The following CACNA2D3 variants were observed in gnomAD, a reference collection of about 807,000 sequenced individuals.
CACNA2D3 encodes the protein calcium voltage-gated channel auxiliary subunit alpha2delta 3.
A neutral mutation model predicts 160.6 loss-of-function variants in CACNA2D3; 60 were observed. The observed-to-expected ratio is 0.37, with a 90% CI of 0.30 to 0.46. The LOEUF is 0.46. CACNA2D3 is among the 20% of genes least tolerant of loss of function. The probability of loss-of-function intolerance (pLI) is 1.00; values close to 1 mark genes in which losing one functional copy is unlikely to be tolerated. For missense variants in CACNA2D3, 1,205 were observed against 1,365.0 expected (o/e 0.88, Z 1.85); for synonymous variants, 558 against 492.9 (o/e 1.13, Z -1.75).
intron 4 of CACNA2D3, among the ~76,000 whole-genome samples, chr3:54,500,818 G>A (rs1701283130): frequency 6.6e-6 from 1 of 152,050 alleles, no homozygotes; most frequent in Non-Finnish European, 1.5e-5. Context: ...CTGTAGTGCA[G>A]GTATCTTATA....
chr3:54,242,150 G>T (rs1188275224), intron 2 of CACNA2D3, among the ~76,000 whole-genome samples: 4 of 152,218 alleles, frequency 2.6e-5, no homozygotes, highest in Admixed American at 6.5e-5. Context: ...GCTGGGCACA[G>T]TGGCTCACAC....
intron 31 of CACNA2D3, among the ~76,000 whole-genome samples, chr3:54,994,371 T>C (rs1488972444): frequency 2.0e-5 from 3 of 152,120 alleles, no homozygotes; most frequent in Non-Finnish European, 4.4e-5. Context: ...ATGTAATGAG[T>C]GTAATGGCTT....
chr3:54,235,532 G>A (rs1271401242), intron 2 of CACNA2D3, among the ~76,000 whole-genome samples: 4 of 152,124 alleles, frequency 2.6e-5, no homozygotes, highest in African/African-American at 9.7e-5. Flanking sequence ...ACAGCACCAA[G>A]GGGATGGTAC....
chr3:54,648,326 A>C (rs926905485), intron 11 of CACNA2D3, among the ~76,000 whole-genome samples: 1 of 152,280 alleles, frequency 6.6e-6, no homozygotes, highest in Non-Finnish European at 1.5e-5. Flanking sequence ...TTATTTTGAC[A>C]TAGCCACACC....
chr3:54,394,317 C>CTTTTTTT (rs1699334931), intron 4 of CACNA2D3, among the ~76,000 whole-genome samples: 1 of 102,488 alleles, frequency 9.8e-6, no homozygotes, highest in African/African-American at 4.1e-5. Context: ...GGAGAGTGAA[C>CTTTTTTT]ATTTTTTTTT....
intron 5 of CACNA2D3, among the ~76,000 whole-genome samples, chr3:54,541,347 T>C (rs528040454): frequency 2.7e-4 from 38 of 139,818 alleles, no homozygotes; most frequent in Non-Finnish European, 4.4e-4. Flanking sequence ...CAGAGGCACA[T>C]AGAGAAGATG....
intron 11 of CACNA2D3, among the ~76,000 whole-genome samples, chr3:54,729,399 T>G (rs1575444996): frequency 1.3e-5 from 2 of 152,212 alleles, no homozygotes; most frequent in African/African-American, 4.8e-5. Context: ...AGTATTAGGA[T>G]TCATCTGACA....
intron 5 of CACNA2D3, among the ~76,000 whole-genome samples, chr3:54,513,234 G>A (rs1456024774): frequency 2.6e-5 from 4 of 152,228 alleles, no homozygotes; most frequent in Admixed American, 2.6e-4. Context: ...GGGACATAAA[G>A]AAAATCTTTT....
intron 4 of CACNA2D3, among the ~76,000 whole-genome samples, chr3:54,485,139 C>T (rs1163030654): frequency 6.6e-6 from 1 of 151,432 alleles, no homozygotes; most frequent in East Asian, 2.0e-4. Context: ...GCCACCGTGC[C>T]CAGCTCACCT....
At chr3:54,846,740 G>T (rs368153133) in intron 17 of CACNA2D3, among the ~76,000 whole-genome samples, 1 of 152,090 alleles carries the variant, frequency 6.6e-6, no homozygotes, top group East Asian at 1.9e-4. Context: ...GCCAACATAT[G>T]GAAAATTTTT....
intron 25 of CACNA2D3, 65 bp from the exon 26 acceptor site, chr3:54,896,684 G>T (rs1700197062): frequency 1.2e-6 from 2 of 1,604,946 alleles, no homozygotes; most frequent in Admixed American, 1.7e-5. Flanking sequence ...GGCTGTCGGG[G>T]TGCTCCAGGC....
intron 2 of CACNA2D3, among the ~76,000 whole-genome samples, chr3:54,141,098 C>CGCGCGCGCGCACGTGCGT (rs59730153): frequency 3.1e-4 from 20 of 64,742 alleles, no homozygotes; most frequent in African/African-American, 8.8e-4. Flanking sequence ...CGCGCGCGCG[C>CGCGCGCGCGCACGTGCGT]GTGTGTGCAT....
chr3:54,326,473 A>G (rs1013956333), intron 3 of CACNA2D3, among the ~76,000 whole-genome samples: 1 of 152,210 alleles, frequency 6.6e-6, no homozygotes, highest in African/African-American at 2.4e-5. Flanking sequence ...CTGTATAAGG[A>G]ATTAATATCT....
chr3:54,624,601 C>T (rs372429107), intron 9 of CACNA2D3, among the ~76,000 whole-genome samples: 4 of 151,960 alleles, frequency 2.6e-5, no homozygotes, highest in South Asian at 2.1e-4. Context: ...CCAGCCTGGG[C>T]GACAGAGCGA....
At position 55,073,769 on chromosome 3, in the gene CACNA2D3, C is replaced by CAGTCA; in HGVS notation, c.3101-6_3101-2dup. On this transcript the variant is annotated splice_polypyrimidine_tract_variant and splice_region_variant and intron_variant, in intron 36 of 37. Transcript: ENST00000474759. ...AATCCTTGGAAACATGCCTTAACTA[C>CAGTCA]AGTCAACATAATGAATCCCTTAAGT... The CAGTCA allele has an allele frequency of 6.2e-7, 1 of 1,610,230 alleles. No individual in the cohort carries two copies.
At chr3:54,806,609 G>A (rs1343250547) in intron 13 of CACNA2D3, among the ~76,000 whole-genome samples, 8 of 152,144 alleles carry the variant, frequency 5.3e-5, no homozygotes, top group Non-Finnish European at 2.9e-5. Flanking sequence ...AATCAATATC[G>A]TGAGAATGGC....
chr3:54,890,435 G>A (rs1229908350), intron 24 of CACNA2D3, among the ~76,000 whole-genome samples: 1 of 147,724 alleles, frequency 6.8e-6, no homozygotes, highest in Non-Finnish European at 1.5e-5. Context: ...GGCGGAGCTT[G>A]CAGTGAGCCG....
intron 35 of CACNA2D3, among the ~76,000 whole-genome samples, chr3:55,056,762 A>G (rs757460015): frequency 6.6e-6 from 1 of 152,216 alleles, no homozygotes; most frequent in Non-Finnish European, 1.5e-5. Context: ...AACTGAACTC[A>G]TAGAAACAGA....
At chr3:54,256,817 T>G (rs560975670) in intron 2 of CACNA2D3, among the ~76,000 whole-genome samples, 1 of 151,260 alleles carries the variant, frequency 6.6e-6, no homozygotes, top group Non-Finnish European at 1.5e-5. Flanking sequence ...CTGTCTTCTT[T>G]CCAGTGCACT....
Sources: gnomAD v4.1 joint callset for allele counts (sites outside exome capture counted in the v4.1 genomes callset) on GRCh38, gnomAD v4.1.1 for gene constraint, MANE v1.5 for transcripts, NCBI Gene and HGNC (gene_info 2026-07-23, HGNC 2026-07-21) for gene names.